Variants in EDEM1 observed in about 807,000 individuals in gnomAD.
EDEM1 encodes ER degradation enhancing alpha-mannosidase like protein 1, also known as ER degradation-enhancing alpha-mannosidase-like protein 1.
In EDEM1, 67 loss-of-function variants were observed where a neutral mutation model predicts 74.4. That is an observed-to-expected ratio of 0.90 (90% CI 0.74 to 1.10). The LOEUF (loss-of-function observed/expected upper bound fraction) is 1.10. EDEM1 is among the 50% of genes least tolerant of loss of function. The probability of loss-of-function intolerance (pLI) is 0.00; values close to 1 mark genes in which losing one functional copy is unlikely to be tolerated. For synonymous variants in EDEM1, 382 were observed against 335.9 expected (o/e 1.14, Z -1.50); for missense variants, 926 against 851.6 (o/e 1.09, Z -1.09).
rs1033329477 is a variant in EDEM1, at chr3:5,218,577, C to T, written c.*2659C>T. The T allele has an allele frequency of 1.3e-4, 20 of 152,222 alleles. No individual in the cohort carries two copies. The highest frequency in any genetic ancestry group is 4.3e-4 in the African/African-American group (18 of 41,520). 9.4% of individuals were successfully genotyped at this position (152,222 alleles called of 1,614,324 possible). A position where few individuals can be genotyped will look rare whatever the true frequency, so the allele number is the denominator to read the frequency against. ...TCTGAGCCTGGCCCATCTTCCTATT[C>T]CCACGTGTAGCTAGTGTCTAGTGTC... On this transcript the variant is annotated 3_prime_UTR_variant, in exon 12 of 12. Coordinates refer to ENST00000256497, the MANE Select transcript of EDEM1 (RefSeq NM_014674.3).
At chr3:5,206,430 A>G in intron 6 of EDEM1, among the ~76,000 whole-genome samples, 1 of 150,730 alleles carries the variant, frequency 6.6e-6, no homozygotes, top group South Asian at 2.1e-4. Flanking sequence ...CTGGTCTCAA[A>G]CTCCTGACCT....
At chr3:5,191,496 G>A (rs973527732) in intron 1 of EDEM1, among the ~76,000 whole-genome samples, 5 of 151,902 alleles carry the variant, frequency 3.3e-5, no homozygotes, top group African/African-American at 1.2e-4. Context: ...GCCTCCCAAA[G>A]TGCTGAGATT....
chr3:5,187,984 TGGGCCGGCCTGG>T lies in EDEM1; in HGVS notation c.183_194del (p.Arg62_Gly65del). On this transcript the variant is annotated inframe_deletion, in exon 1 of 12. Coordinates refer to ENST00000256497, the MANE Select transcript of EDEM1 (RefSeq NM_014674.3). ...CCCGCGTCGCCCACCTCGGGGCCCGTGGGCCGGCCTGGGGGGGTATCCGGGCCGTCGTGGCTG... is the reference window on the plus strand; with the variant it reads ...CCCGCGTCGCCCACCTCGGGGCCCGTGGGGGTATCCGGGCCGTCGTGGCTG... 1 of 1,533,350 alleles carries T rather than the reference TGGGCCGGCCTGG, an allele frequency of 6.5e-7. No homozygotes were observed. 95.0% of individuals were successfully genotyped at this position (1,533,350 alleles called of 1,614,324 possible). A position where few individuals can be genotyped will look rare whatever the true frequency, so the allele number is the denominator to read the frequency against.
rs34441448 is a variant in EDEM1 at position 5,196,461 on chromosome 3, G to GACACAC, written c.582+1198_582+1203dup. 6.1e-3 allele frequency among the ~76,000 whole-genome samples: 910 copies of GACACAC among 148,772 alleles called. 4 individuals carry two copies. The highest frequency in any genetic ancestry group is 0.019 in the East Asian group (96 of 5,070). ...AACAGAGTGAGACTCCATCTCTGGA[G>GACACAC]ACACACACACACACACACACACAAG... On this transcript the variant is annotated intron_variant, in intron 2 of 11. Transcript: ENST00000256497.
chr3:5,215,835 C>T lies in EDEM1; in HGVS notation c.1891C>T (p.Arg631Cys), dbSNP rs762616629. The change falls in exon 12 of 12, where the codon CGT becomes TGT. Residue 631 changes from arginine to cysteine, a missense_variant. Transcript: ENST00000256497. ...KVINSSSNCN[R>C]VPDERRYSLP... is the part of the protein sequence containing the mutation. ...CTCGTTTTTGTCTTTCTAGTGCAAT[C>T]GTGTACCTGATGAGAGGAGGTACTC... 1.6e-5 allele frequency: 26 copies of T among 1,612,798 alleles called. No homozygotes were observed. Among genetic ancestry groups the T allele is most frequent in the South Asian group, 2.2e-5 (2 of 90,828 alleles).
At position 5,201,864 on chromosome 3, in the gene EDEM1, C is replaced by T. The variant is rs545486402; in HGVS notation, c.798C>T (p.Asp266=). The change falls in exon 4 of 12, where the codon GAC becomes GAT. Residue 266 remains aspartate, a synonymous_variant. Transcript: ENST00000256497. ...ATGAGTTGTTATACATGGCCCATGA[C>T]CTGGCGGTGCGGCTCCTCCCTGCTT... ...YDNELLYMAH[D]LAVRLLPAFE... 1.2e-6 allele frequency: 2 copies of T among 1,614,184 alleles called. No homozygotes were observed. The highest frequency in any genetic ancestry group is 1.7e-5 in the Admixed American group (1 of 60,022).
chr3:5,188,702 A>G lies in EDEM1; in HGVS notation c.509+388A>G, dbSNP rs371646528. Among the ~76,000 whole-genome samples the G allele has an allele frequency of 6.4e-4, 97 of 152,236 alleles. 1 individual carries two copies. The highest frequency in any genetic ancestry group is 7.2e-4 in the Non-Finnish European group (49 of 68,000). ...ATAAACTCTAAATGAAATCTCCATC[A>G]TGCCCCCCGTGTAAACGCAGCCTCA... On this transcript the variant is annotated intron_variant, in intron 1 of 11. Coordinates refer to ENST00000256497, the MANE Select transcript of EDEM1 (RefSeq NM_014674.3).
chr3:5,189,850 G>C (rs997434358), intron 1 of EDEM1, among the ~76,000 whole-genome samples: 3 of 152,178 alleles, frequency 2.0e-5, no homozygotes, highest in African/African-American at 4.8e-5. Flanking sequence ...CCACCCGCCT[G>C]GGCCTCCCAA....
chr3:5,204,926 G>A lies in EDEM1; in HGVS notation c.1043-141G>A, dbSNP rs771924670. On this transcript the variant is annotated intron_variant, in intron 5 of 11. Coordinates refer to ENST00000256497, the MANE Select transcript of EDEM1 (RefSeq NM_014674.3). ...GTGATAAGACTGATAAAAATGTTAG[G>A]TCCAAGCAACCACCTCCTTCTCCTG... 1.6e-4 allele frequency: 128 copies of A among 823,570 alleles called. 2 individuals are homozygous for A. The highest frequency in any genetic ancestry group is 3.0e-4 in the Admixed American group (11 of 36,720). The allele number at this position is 823,570 out of a possible 1,614,324, so 51.0% of individuals were successfully genotyped here.
At chr3:5,192,491 A>T (rs2054913101) in intron 1 of EDEM1, among the ~76,000 whole-genome samples, 1 of 152,240 alleles carries the variant, frequency 6.6e-6, no homozygotes, top group Non-Finnish European at 1.5e-5. Context: ...AAAAATTTAC[A>T]GTGGGGTGAA....
chr3:5,210,340 T>C (rs1183298713), intron 9 of EDEM1, 92 bp downstream of exon 9: 1 of 1,217,642 alleles, frequency 8.2e-7, no homozygotes, highest in African/African-American at 1.5e-5. Context: ...CATTTTAATT[T>C]ATAGAACCAG....
Position 5,218,613 on chromosome 3 carries a change from A to T in EDEM1, c.*2695A>T, listed in dbSNP as rs2106615930. The T allele has an allele frequency of 6.6e-6, 1 of 152,220 alleles. No homozygotes were observed. Among genetic ancestry groups the T allele is most frequent in the Non-Finnish European group, 1.5e-5 (1 of 68,008 alleles). The allele number at this position is 152,220 out of a possible 1,614,324, so 9.4% of individuals were successfully genotyped here. The stretch of plus-strand genomic sequence containing the variant: ...CTAGTGTCTAGTGTCAGCTTTGCTC[A>T]GTGTGGTGGAAACATTTTGCAGAAC... On this transcript the variant is annotated 3_prime_UTR_variant, in exon 12 of 12. Coordinates refer to ENST00000256497, the MANE Select transcript of EDEM1 (RefSeq NM_014674.3).
chr3:5,204,174 T>A (rs888016106), intron 5 of EDEM1, among the ~76,000 whole-genome samples: 1 of 152,204 alleles, frequency 6.6e-6, no homozygotes, highest in Admixed American at 6.5e-5. Context: ...TCACTCCCGA[T>A]TGTCAACTTT....
intron 2 of EDEM1, among the ~76,000 whole-genome samples, chr3:5,198,274 C>T (rs1042474234): frequency 6.6e-6 from 1 of 152,172 alleles, no homozygotes; most frequent in African/African-American, 2.4e-5. Context: ...GTTTTGAACT[C>T]TTGGCCTGAA....
intron 2 of EDEM1, among the ~76,000 whole-genome samples, chr3:5,197,808 G>A (rs1448092377): frequency 6.6e-6 from 1 of 152,212 alleles, no homozygotes; most frequent in Non-Finnish European, 1.5e-5. Flanking sequence ...AGAAAGAACT[G>A]AAAGCTAGAA....
At position 5,187,729 on chromosome 3, in the gene EDEM1, C is replaced by T. The variant is rs1052809859; in HGVS notation, c.-77C>T. ...CTTAAAGGGGAAGCGAGCCGGGCTA[C>T]GGGGCGAGCGCGGGGTGCGGTGGTC... On this transcript the variant is annotated 5_prime_UTR_variant, in exon 1 of 12. It adds an upstream start codon to the 5' untranslated region. Coordinates refer to ENST00000256497, the MANE Select transcript of EDEM1 (RefSeq NM_014674.3). 4 of 1,420,786 alleles carry T rather than the reference C, an allele frequency of 2.8e-6. No individual in the cohort carries two copies. Among genetic ancestry groups the T allele is most frequent in the Admixed American group, 2.7e-5 (1 of 36,520 alleles). 88.0% of individuals were successfully genotyped at this position (1,420,786 alleles called of 1,614,324 possible).
intron 6 of EDEM1, among the ~76,000 whole-genome samples, chr3:5,206,805 C>T (rs1199033608): frequency 6.6e-6 from 1 of 152,210 alleles, no homozygotes; most frequent in Admixed American, 6.5e-5. Context: ...AAGAACCAAG[C>T]TTTTCTGCTC....
chr3:5,190,459 G>A (rs1430242216), intron 1 of EDEM1, among the ~76,000 whole-genome samples: 1 of 152,206 alleles, frequency 6.6e-6, no homozygotes, highest in Non-Finnish European at 1.5e-5. Flanking sequence ...AGCGCTTCTG[G>A]AGAACCTTAA....
intron 2 of EDEM1, among the ~76,000 whole-genome samples, chr3:5,196,881 T>C (rs1208219203): frequency 5.3e-5 from 8 of 152,076 alleles, no homozygotes; most frequent in Non-Finnish European, 8.8e-5. Context: ...GAAAGCCTAC[T>C]CCTTGTCCCT....
Sources: allele counts gnomAD v4.1 joint callset (sites outside exome capture counted in the v4.1 genomes callset), GRCh38; gene constraint gnomAD v4.1.1; transcripts MANE v1.5; gene names NCBI Gene and HGNC (gene_info 2026-07-23, HGNC 2026-07-21).